The following CNTNAP2 variants were observed in gnomAD, a reference collection of about 807,000 sequenced individuals.
CNTNAP2 encodes contactin associated protein 2.
CNTNAP2 carries 98 observed loss-of-function variants against 155.2 expected under a neutral mutation model. The observed-to-expected ratio is 0.63, with a 90% CI of 0.54 to 0.75. The LOEUF (loss-of-function observed/expected upper bound fraction) is 0.75. Among genes scored for constraint, CNTNAP2 ranks in the 30% least tolerant of loss-of-function variants. The pLI, the probability that CNTNAP2 is intolerant of heterozygous loss-of-function variation, is 0.00. For missense variants in CNTNAP2, 1,727 were observed against 1,688.1 expected, an observed-to-expected ratio of 1.02 and a Z score of -0.40; for synonymous variants, 651 against 631.2, an observed-to-expected ratio of 1.03 and a Z score of -0.47.
chr7:146,573,709 G>T (rs1467689475), intron 1 of CNTNAP2, among the ~76,000 whole-genome samples: 1 of 152,184 alleles, frequency 6.6e-6, no homozygotes, highest in Non-Finnish European at 1.5e-5. Flanking sequence ...GCTTGCAACA[G>T]CACAGTGTGA....
At chr7:147,279,103 ATACT>A (rs1563144100) in intron 8 of CNTNAP2, among the ~76,000 whole-genome samples, 1 of 151,666 alleles carries the variant, frequency 6.6e-6, no homozygotes, top group Non-Finnish European at 1.5e-5. Flanking sequence ...TGTGTTAGTA[ATACT>A]TACCTACATT....
At chr7:146,295,708 C>T (rs1261587718) in intron 1 of CNTNAP2, among the ~76,000 whole-genome samples, 1 of 151,566 alleles carries the variant, frequency 6.6e-6, no homozygotes, top group African/African-American at 2.4e-5. Context: ...GTAGATCTAG[C>T]TCAATTGTTC....
intron 1 of CNTNAP2, among the ~76,000 whole-genome samples, chr7:146,707,905 G>C (rs74497136): frequency 0.014 from 2,073 of 152,052 alleles, 30 homozygotes; most frequent in Non-Finnish European, 0.021. Flanking sequence ...GGTAGGCATA[G>C]CACTTTTTTT....
intron 21 of CNTNAP2, among the ~76,000 whole-genome samples, chr7:148,328,341 C>A (rs2116550740): frequency 6.6e-6 from 1 of 152,170 alleles, no homozygotes; most frequent in East Asian, 1.9e-4. Flanking sequence ...ATATTTGGCT[C>A]CCTCTGGTTG....
At chr7:148,362,482 C>G (rs1798643949) in intron 21 of CNTNAP2, among the ~76,000 whole-genome samples, 1 of 152,184 alleles carries the variant, frequency 6.6e-6, no homozygotes, top group African/African-American at 2.4e-5. Context: ...CCTTACAGGT[C>G]TTTGCTGTGG....
At chr7:148,170,945 A>G (rs1251947708) in intron 17 of CNTNAP2, among the ~76,000 whole-genome samples, 1 of 152,180 alleles carries the variant, frequency 6.6e-6, no homozygotes, top group African/African-American at 2.4e-5. Context: ...TCTCAGAAAC[A>G]TGTACATCTA....
chr7:146,592,306 AAAG>A (rs1287855369), intron 1 of CNTNAP2, among the ~76,000 whole-genome samples: 11 of 152,344 alleles, frequency 7.2e-5, no homozygotes, highest in Admixed American at 2.0e-4. Flanking sequence ...TGAGAAATGC[AAAG>A]AAGATCTGGA....
At chr7:146,561,583 A>T (rs969138219) in intron 1 of CNTNAP2, among the ~76,000 whole-genome samples, 3 of 152,050 alleles carry the variant, frequency 2.0e-5, no homozygotes, top group African/African-American at 7.2e-5. Flanking sequence ...CGCTTGACCT[A>T]GGGAGTTCCA....
intron 13 of CNTNAP2, among the ~76,000 whole-genome samples, chr7:147,683,120 T>C (rs1412852975): frequency 6.6e-6 from 1 of 151,910 alleles, no homozygotes; most frequent in East Asian, 1.9e-4. Flanking sequence ...TCGGGGCATT[T>C]TCTTTCATAT....
intron 1 of CNTNAP2, among the ~76,000 whole-genome samples, chr7:146,656,804 A>C (rs1800002731): frequency 6.6e-6 from 1 of 152,212 alleles, no homozygotes; most frequent in Non-Finnish European, 1.5e-5. Context: ...ATTAATATTT[A>C]CTACTAGAAT....
At chr7:147,206,408 C>T (rs917837869) in intron 8 of CNTNAP2, among the ~76,000 whole-genome samples, 1 of 151,822 alleles carries the variant, frequency 6.6e-6, no homozygotes, top group Non-Finnish European at 1.5e-5. Context: ...ACTAAAAATA[C>T]AAAATTTAGC....
chr7:146,339,717 A>C (rs1801341015), intron 1 of CNTNAP2, among the ~76,000 whole-genome samples: 1 of 152,210 alleles, frequency 6.6e-6, no homozygotes, highest in Admixed American at 6.5e-5. Flanking sequence ...GAATGAAGCC[A>C]AGAAACTCCT....
At chr7:146,795,664 C>T (rs1802755804) in intron 2 of CNTNAP2, among the ~76,000 whole-genome samples, 1 of 152,162 alleles carries the variant, frequency 6.6e-6, no homozygotes, top group Non-Finnish European at 1.5e-5. Flanking sequence ...TCCCAACTAC[C>T]CTTATGTTCA....
rs1795180995 is a variant in CNTNAP2 at position 147,636,364 on chromosome 7, G to A, written c.1898-2742G>A. On this transcript the variant is annotated intron_variant, in intron 12 of 23. Coordinates refer to ENST00000361727, the MANE Select transcript of CNTNAP2 (RefSeq NM_014141.6). ...GGATAGTCCTGACCAAGCCAGAACTGGGACCAAAATGACTTTAAACTGTTC... is the reference window on the plus strand; with the variant it reads ...GGATAGTCCTGACCAAGCCAGAACTAGGACCAAAATGACTTTAAACTGTTC... 1.3e-5 allele frequency among the ~76,000 whole-genome samples: 2 copies of A among 152,152 alleles called. 1 individual carries two copies. Among genetic ancestry groups the A allele is most frequent in the South Asian group, 4.1e-4 (2 of 4,824 alleles).
intron 1 of CNTNAP2, among the ~76,000 whole-genome samples, chr7:146,758,008 A>T (rs542801429): frequency 6.6e-6 from 1 of 152,266 alleles, no homozygotes; most frequent in African/African-American, 2.4e-5. Context: ...AAAGCTTCAA[A>T]ACCAAACAGT....
chr7:148,060,837 T>G (rs1803115320), intron 15 of CNTNAP2, among the ~76,000 whole-genome samples: 1 of 152,178 alleles, frequency 6.6e-6, no homozygotes, highest in Admixed American at 6.6e-5. Context: ...CACCAAAGGT[T>G]TAACTCAGCT....
intron 16 of CNTNAP2, among the ~76,000 whole-genome samples, chr7:148,118,992 C>T (rs541098055): frequency 4.6e-5 from 7 of 152,312 alleles, no homozygotes; most frequent in African/African-American, 7.2e-5. Context: ...ACTTGAGAAG[C>T]GCAATGCTTG....
At position 146,508,010 on chromosome 7, in the gene CNTNAP2, TAGAC is replaced by T. The variant is rs1797409980; in HGVS notation, c.98-266258_98-266255del. Among the ~76,000 whole-genome samples, 3 of 152,308 alleles carry T rather than the reference TAGAC, an allele frequency of 2.0e-5. No homozygotes were observed. In the South Asian group the frequency reaches 6.2e-4, roughly 32 times the overall value. On this transcript the variant is annotated intron_variant, in intron 1 of 23. Coordinates refer to ENST00000361727, the MANE Select transcript of CNTNAP2 (RefSeq NM_014141.6). ...ATCAAGTGATCCATCAAATCCGTGA[TAGAC>T]AGCACAGCTGCATGTGAAGGGGGTG... is the stretch of plus-strand genomic sequence containing the variant.
intron 11 of CNTNAP2, among the ~76,000 whole-genome samples, chr7:147,547,601 G>GT (rs750104043): frequency 1.1e-4 from 16 of 148,202 alleles, no homozygotes; most frequent in Non-Finnish European, 2.2e-4. Context: ...TTTTATTTTT[G>GT]TTTTTTTGTT....
Sources: allele counts gnomAD v4.1 joint callset (sites outside exome capture counted in the v4.1 genomes callset), GRCh38; gene constraint gnomAD v4.1.1; transcripts MANE v1.5; gene names NCBI Gene and HGNC (gene_info 2026-07-23, HGNC 2026-07-21).